DEK: variants seen among roughly 807,000 people sequenced by gnomAD.
DEK encodes DEK proto-oncogene.
Under a neutral mutation model 46.8 loss-of-function variants are expected in DEK, and 28 were observed. That is an observed-to-expected ratio of 0.60 (90% CI 0.44 to 0.82). The LOEUF is 0.82. DEK is among the 40% of genes least tolerant of loss of function. The pLI, the probability that DEK is intolerant of heterozygous loss-of-function variation, is 0.00. For synonymous variants in DEK, 160 were observed against 144.5 expected (o/e 1.11, Z -0.77); for missense variants, 416 against 430.6 (o/e 0.97, Z 0.30).
chr6:18,251,084 AG>A (rs776341421), intron 6 of DEK, among the ~76,000 whole-genome samples: 2 of 152,250 alleles, frequency 1.3e-5, no homozygotes, highest in Non-Finnish European at 2.9e-5. Context: ...TGCTTTCTCA[AG>A]GAAGTTTTGC....
In DEK at chr6:18,263,879, C is replaced by T. The variant is rs1164568764; in HGVS notation, c.109G>A (p.Asp37Asn). The T allele has an allele frequency of 6.8e-6, 11 of 1,612,964 alleles. No homozygotes were observed. The highest frequency in any genetic ancestry group is 8.5e-6 in the Non-Finnish European group (10 of 1,179,464). The change falls in exon 2 of 11, where the codon GAC (aspartate) becomes AAC (asparagine). Residue 37 changes from aspartate (D) to asparagine (N), a missense_variant. Coordinates refer to ENST00000652689, the MANE Select transcript of DEK (RefSeq NM_003472.4). The part of the protein sequence containing the change: ...GPREESEEEE[D>N]EDDEEEEEEE... Reference sequence around the variant, plus strand: ...TCCTCCTCCTCCTCGTCGTCCTCGTCCTCTTCCTCCTCGCTCTCCTCTCTG... The same window carrying T: ...TCCTCCTCCTCCTCGTCGTCCTCGTTCTCTTCCTCCTCGCTCTCCTCTCTG...
intron 9 of DEK, 146 bp downstream of exon 9, chr6:18,236,306 G>T: frequency 1.3e-6 from 1 of 745,826 alleles, no homozygotes; most frequent in Non-Finnish European, 2.0e-6. Flanking sequence ...TGGTATCCCA[G>T]CACCTGTAAG....
chr6:18,243,480 T>C (rs1790987581), intron 7 of DEK, among the ~76,000 whole-genome samples: 1 of 152,168 alleles, frequency 6.6e-6, no homozygotes, highest in Non-Finnish European at 1.5e-5. Flanking sequence ...CTACATTACC[T>C]TAGTTTCATC....
rs3798298 is a variant in DEK, at chr6:18,224,123, A to G, written c.*1596T>C. ...AAATCCCTTTTCAGAATTATTCCCC[A>G]TAAGGAAATGCTATATACACCTATA... On this transcript the variant is annotated 3_prime_UTR_variant, in exon 11 of 11. Transcript: ENST00000652689. 458 of 167,394 alleles carry G rather than the reference A, an allele frequency of 2.7e-3. 13 individuals carry two copies. In the East Asian group the frequency reaches 0.052, roughly 19 times the overall value. The allele number at this position is 167,394 out of a possible 1,614,324, so 10.4% of individuals were successfully genotyped here.
intron 2 of DEK, among the ~76,000 whole-genome samples, chr6:18,263,079 C>G (rs961097994): frequency 1.3e-5 from 2 of 152,148 alleles, no homozygotes; most frequent in Non-Finnish European, 2.9e-5. Flanking sequence ...GGAAACATGT[C>G]AAGAAGCGGG....
At chr6:18,257,566 C>T (rs973281421) in intron 4 of DEK, among the ~76,000 whole-genome samples, 1 of 151,900 alleles carries the variant, frequency 6.6e-6, no homozygotes, top group Non-Finnish European at 1.5e-5. Flanking sequence ...AAACAATTAG[C>T]CAGACACAGT....
chr6:18,231,855 C>T (rs1177143356), intron 9 of DEK, among the ~76,000 whole-genome samples: 1 of 152,208 alleles, frequency 6.6e-6, no homozygotes, highest in Non-Finnish European at 1.5e-5. Context: ...TCCTCCGTAA[C>T]TCATTTTATG....
chr6:18,263,040 A>C (rs1791948484), intron 2 of DEK, among the ~76,000 whole-genome samples: 1 of 152,210 alleles, frequency 6.6e-6, no homozygotes, highest in South Asian at 2.1e-4. Flanking sequence ...AAGAATGCTA[A>C]GAGATGCGAC....
chr6:18,225,965 C>G, intron 10 of DEK: 2 of 699,126 alleles, frequency 2.9e-6, no homozygotes, highest in South Asian at 2.3e-5. Flanking sequence ...ACATCATAAT[C>G]TGAGTTCAGG....
intron 4 of DEK, among the ~76,000 whole-genome samples, 199 bp downstream of exon 4, chr6:18,257,751 AAAG>A (rs1342231601): frequency 1.3e-5 from 2 of 151,392 alleles, no homozygotes; most frequent in East Asian, 1.9e-4. Flanking sequence ...GAAAAAGAAA[AAAG>A]AAGACAGAGC....
chr6:18,234,969 C>G (rs1420209812), intron 9 of DEK, among the ~76,000 whole-genome samples: 1 of 152,108 alleles, frequency 6.6e-6, no homozygotes, highest in African/African-American at 2.4e-5. Flanking sequence ...CTCACCTGAC[C>G]TCTCCATGTT....
At chr6:18,258,223 C>A in intron 3 of DEK, 81 bp downstream of exon 3, 1 of 1,254,174 alleles carries the variant, frequency 8.0e-7, no homozygotes. Flanking sequence ...CACTACCTTG[C>A]TGATACTAAG....
chr6:18,254,854 A>G (rs377348057), intron 6 of DEK, among the ~76,000 whole-genome samples: 2 of 152,360 alleles, frequency 1.3e-5, no homozygotes, highest in East Asian at 3.9e-4. Context: ...TTGTAGTTGT[A>G]TAACAAAAGT....
At chr6:18,241,272 T>C (rs758764413) in intron 7 of DEK, among the ~76,000 whole-genome samples, 4 of 152,168 alleles carry the variant, frequency 2.6e-5, no homozygotes, top group Non-Finnish European at 5.9e-5. Context: ...AAGGTAAATA[T>C]GGGTAACCAG....
intron 9 of DEK, among the ~76,000 whole-genome samples, chr6:18,230,673 G>C: frequency 6.6e-6 from 1 of 152,158 alleles, no homozygotes; most frequent in Non-Finnish European, 1.5e-5. Flanking sequence ...AACAAGGAGA[G>C]CTAACTATCC....
At chr6:18,246,827 C>T (rs948929413) in intron 7 of DEK, among the ~76,000 whole-genome samples, 10 of 152,134 alleles carry the variant, frequency 6.6e-5, no homozygotes, top group African/African-American at 2.4e-4. Flanking sequence ...AATCAATCTA[C>T]CCAAATTCAC....
At chr6:18,257,092 T>C (rs1362260637) in intron 4 of DEK, among the ~76,000 whole-genome samples, 1 of 152,238 alleles carries the variant, frequency 6.6e-6, no homozygotes, top group Non-Finnish European at 1.5e-5. Flanking sequence ...CTAAGTCATA[T>C]GTACAGTATA....
intron 9 of DEK, among the ~76,000 whole-genome samples, chr6:18,229,244 C>T (rs894434246): frequency 1.3e-5 from 2 of 152,222 alleles, no homozygotes; most frequent in African/African-American, 4.8e-5. Context: ...TCACCATCAT[C>T]AAAGACCAAA....
At position 18,237,381 on chromosome 6, in the gene DEK, C is replaced by CT; in HGVS notation, c.897dup (p.Glu300ArgfsTer3). On this transcript the variant is annotated frameshift_variant and splice_region_variant, in exon 8 of 11. Coordinates refer to ENST00000652689, the MANE Select transcript of DEK (RefSeq NM_003472.4). LOFTEE classifies it high-confidence loss of function. Reference sequence around the variant, plus strand: ...CTGATTAATGTTATTTCTAACATACCTTTTTTGGAACTGTTTTGATTCTTC... The same window carrying CT: ...CTGATTAATGTTATTTCTAACATACCTTTTTTTGGAACTGTTTTGATTCTTC... The CT allele has an allele frequency of 1.3e-6, 2 of 1,587,250 alleles. No individual in the cohort carries two copies. The highest frequency in any genetic ancestry group is 1.7e-6 in the Non-Finnish European group (2 of 1,173,276).
Sources: gnomAD v4.1 joint callset for allele counts (sites outside exome capture counted in the v4.1 genomes callset) on GRCh38, gnomAD v4.1.1 for gene constraint, MANE v1.5 for transcripts, NCBI Gene and HGNC (gene_info 2026-07-23, HGNC 2026-07-21) for gene names.